ADAM32: variants seen among roughly 807,000 people sequenced by gnomAD.
The protein encoded by ADAM32 is ADAM metallopeptidase domain 32.
ADAM32 carries 89 observed loss-of-function variants against 114.9 expected under a neutral mutation model. The observed-to-expected ratio is 0.77, with a 90% confidence interval of 0.65 to 0.92. ADAM32 has a LOEUF of 0.92. ADAM32 is among the 40% of genes least tolerant of loss of function. The pLI is 0.00. For missense variants in ADAM32, 870 were observed against 932.8 expected, an observed-to-expected ratio of 0.93 and a Z score of 0.88; for synonymous variants, 285 against 307.5, an observed-to-expected ratio of 0.93 and a Z score of 0.77.
intron 2 of ADAM32, among the ~76,000 whole-genome samples, chr8:39,124,018 T>C (rs868754056): frequency 5.9e-5 from 9 of 152,004 alleles, no homozygotes; most frequent in Admixed American, 2.6e-4. Flanking sequence ...TCTTTTTTTT[T>C]TTTTCTTTAA....
intron 10 of ADAM32, among the ~76,000 whole-genome samples, chr8:39,184,973 T>C (rs554538906): frequency 1.3e-5 from 2 of 152,236 alleles, no homozygotes; most frequent in Admixed American, 1.3e-4. Flanking sequence ...GTCCCAATGT[T>C]CCTGTTGGGG....
At chr8:39,199,956 A>AT (rs1807282158) in intron 11 of ADAM32, among the ~76,000 whole-genome samples, 1 of 152,020 alleles carries the variant, frequency 6.6e-6, no homozygotes, top group Admixed American at 6.6e-5. Context: ...TGAACTCATC[A>AT]TTTTTTATGG....
rs572306043 is a variant in ADAM32 at position 39,127,698 on chromosome 8, G to A, written c.139-8959G>A. Among the ~76,000 whole-genome samples, 5 of 151,918 alleles carry A rather than the reference G, an allele frequency of 3.3e-5. No homozygotes were observed. The East Asian group carries it at 7.7e-4, about 23-fold the overall frequency. On this transcript the variant is annotated intron_variant, in intron 2 of 24. Coordinates refer to ENST00000379907, the MANE Select transcript of ADAM32 (RefSeq NM_145004.7). ...CTCCTTCAGTTCTGCCCTGATTTTG[G>A]TTATTTCTTGTCTTCTTCTAGCTTT...
intron 12 of ADAM32, among the ~76,000 whole-genome samples, chr8:39,216,697 G>A (rs1808591444): frequency 6.6e-6 from 1 of 151,958 alleles, no homozygotes. Context: ...ATTTAACACT[G>A]TGCACAAACA....
Position 39,284,771 on chromosome 8 carries a change from GTT to G in ADAM32, c.2358-16_2358-15del. ...TTTGCTGTCAGTACTTTGAGCACGT[GTT>G]TTTTTGTTCTCTTCCACAGTAACTA... On this transcript the variant is annotated intron_variant, in intron 24 of 24. Transcript: ENST00000379907. 1 of 1,613,268 alleles carries G rather than the reference GTT, an allele frequency of 6.2e-7. No individual in the cohort carries two copies. The highest frequency in any genetic ancestry group is 8.5e-7 in the Non-Finnish European group (1 of 1,179,458).
At chr8:39,201,159 A>G (rs1807372918) in intron 11 of ADAM32, among the ~76,000 whole-genome samples, 1 of 152,204 alleles carries the variant, frequency 6.6e-6, no homozygotes, top group African/African-American at 2.4e-5. Context: ...ATTTCTGTGA[A>G]GAAAGTCATT....
intron 16 of ADAM32, among the ~76,000 whole-genome samples, chr8:39,241,517 G>A (rs1327971466): frequency 5.9e-5 from 9 of 152,242 alleles, no homozygotes; most frequent in Non-Finnish European, 2.9e-5. Context: ...CTAGGCAGAG[G>A]TTCCCAAATC....
At chr8:39,278,083 G>C (rs748673494) in intron 22 of ADAM32, among the ~76,000 whole-genome samples, 4 of 152,176 alleles carry the variant, frequency 2.6e-5, no homozygotes, top group Non-Finnish European at 5.9e-5. Context: ...CAGCGGGAAG[G>C]GGAGCTGAAA....
At chr8:39,233,547 A>C (rs1170848886) in intron 15 of ADAM32, among the ~76,000 whole-genome samples, 1 of 152,088 alleles carries the variant, frequency 6.6e-6, no homozygotes, top group Non-Finnish European at 1.5e-5. Context: ...CTGTTTTATC[A>C]GCTTATGACC....
At chr8:39,158,502 T>C in intron 6 of ADAM32, 1 of 296,280 alleles carries the variant, frequency 3.4e-6, no homozygotes, top group South Asian at 3.7e-5. Context: ...TCCTTCTTGT[T>C]CACCTTGGGT....
chr8:39,181,631 A>G (rs1213576951), intron 10 of ADAM32, among the ~76,000 whole-genome samples: 1 of 152,210 alleles, frequency 6.6e-6, no homozygotes, highest in Non-Finnish European at 1.5e-5. Flanking sequence ...TATTTTTGCC[A>G]AGTCATTATG....
intron 24 of ADAM32, among the ~76,000 whole-genome samples, chr8:39,284,138 TTA>T (rs1360044211): frequency 1.3e-5 from 2 of 152,066 alleles, no homozygotes; most frequent in East Asian, 3.9e-4. Flanking sequence ...TTTAAATAAC[TTA>T]GTCTGTTTTT....
In ADAM32 at chr8:39,137,810, T is replaced by G. The variant is rs558475330; in HGVS notation, c.200+1092T>G. Among the ~76,000 whole-genome samples the G allele has an allele frequency of 6.7e-5, 10 of 149,168 alleles. No individual in the cohort carries two copies. In the South Asian group the frequency reaches 1.9e-3, roughly 28 times the overall value. On this transcript the variant is annotated intron_variant, in intron 3 of 24. Coordinates refer to ENST00000379907, the MANE Select transcript of ADAM32 (RefSeq NM_145004.7). ...AGGTGTAAACAAGTGGTTTATTGTGTGTAAGATACTAAATAATTTTCCCAA... is the reference window on the plus strand; with the variant it reads ...AGGTGTAAACAAGTGGTTTATTGTGGGTAAGATACTAAATAATTTTCCCAA...
At chr8:39,232,733 T>C (rs1388884971) in intron 15 of ADAM32, among the ~76,000 whole-genome samples, 1 of 152,166 alleles carries the variant, frequency 6.6e-6, no homozygotes, top group African/African-American at 2.4e-5. Flanking sequence ...TTTGTGAGCT[T>C]TGACTCAGAT....
intron 11 of ADAM32, among the ~76,000 whole-genome samples, chr8:39,208,219 T>C (rs747913779): frequency 5.3e-5 from 8 of 152,196 alleles, no homozygotes; most frequent in Non-Finnish European, 8.8e-5. Context: ...ATCCTCATCT[T>C]TTATAGTGTG....
At chr8:39,276,129 A>G in intron 22 of ADAM32, 1 of 359,822 alleles carries the variant, frequency 2.8e-6, no homozygotes, top group Non-Finnish European at 5.0e-6. Context: ...TTTTGGTGAA[A>G]TGTTTAAGGA....
chr8:39,147,099 T>C, intron 3 of ADAM32, 31 bp from the exon 4 acceptor site: 1 of 848,352 alleles, frequency 1.2e-6, no homozygotes, highest in Non-Finnish European at 1.6e-6. Context: ...AAAAGAATAA[T>C]TAAAAAAATT....
intron 19 of ADAM32, among the ~76,000 whole-genome samples, chr8:39,265,551 G>T (rs770347373): frequency 7.9e-5 from 12 of 152,128 alleles, no homozygotes; most frequent in Non-Finnish European, 1.6e-4. Context: ...TTAGCTGGTT[G>T]TTATGTAGAT....
chr8:39,265,234 C>A (rs1812281400), intron 19 of ADAM32, among the ~76,000 whole-genome samples: 1 of 152,054 alleles, frequency 6.6e-6, no homozygotes, highest in Non-Finnish European at 1.5e-5. Flanking sequence ...TGAATTGAAC[C>A]CTTTATCATT....
Sources: allele counts gnomAD v4.1 joint callset (sites outside exome capture counted in the v4.1 genomes callset), GRCh38; gene constraint gnomAD v4.1.1; transcripts MANE v1.5; gene names NCBI Gene and HGNC (gene_info 2026-07-23, HGNC 2026-07-21).